The following SPPL3 variants were observed in gnomAD, a reference collection of about 807,000 sequenced individuals.
SPPL3 encodes the protein signal peptide peptidase-like 3.
In SPPL3, 5 loss-of-function variants were observed where a neutral mutation model predicts 42.4. That is an observed-to-expected ratio of 0.12 (90% confidence interval 0.06 to 0.25). The LOEUF is 0.25. SPPL3 is among the 10% of genes least tolerant of loss of function. SPPL3 has a pLI of 1.00. For missense variants in SPPL3, 235 were observed against 489.0 expected, an observed-to-expected ratio of 0.48 and a Z score of 4.90; for synonymous variants, 195 against 181.8, an observed-to-expected ratio of 1.07 and a Z score of -0.58.
intron 1 of SPPL3, among the ~76,000 whole-genome samples, chr12:120,839,087 A>G (rs1324377308): frequency 2.6e-5 from 4 of 152,132 alleles, no homozygotes; most frequent in Non-Finnish European, 4.4e-5. Context: ...TCTTCACAAT[A>G]GCAAAGACTT....
At chr12:120,864,143 C>T (rs1533810) in intron 1 of SPPL3, among the ~76,000 whole-genome samples, 13,470 of 152,202 alleles carry the variant, frequency 0.089, 1,745 homozygotes, top group African/African-American at 0.29. Context: ...TATTTGTTTC[C>T]TCAGTTGTGA....
chr12:120,864,808 C>T (rs1274955177), intron 1 of SPPL3, among the ~76,000 whole-genome samples: 1 of 152,144 alleles, frequency 6.6e-6, no homozygotes, highest in African/African-American at 2.4e-5. Flanking sequence ...CCCATTACAT[C>T]ACACAAAGCA....
intron 6 of SPPL3, among the ~76,000 whole-genome samples, chr12:120,771,048 C>T (rs928761510): frequency 1.3e-5 from 2 of 152,238 alleles, no homozygotes; most frequent in Admixed American, 6.5e-5. Context: ...CCGCCATCCT[C>T]TCCTGGCGTG....
rs1358813240 is a variant in SPPL3 at position 120,904,147 on chromosome 12, T to TGGC, written c.-283_-281dup. 13 of 276,754 alleles carry TGGC rather than the reference T, an allele frequency of 4.7e-5. No homozygotes were observed. The highest frequency in any genetic ancestry group is 2.1e-4 in the African/African-American group (9 of 42,662). 17.1% of individuals were successfully genotyped at this position (276,754 alleles called of 1,614,324 possible). ...CTCCGCTGCAGCTCCAAACCCAACATGGCGGCGGCGGCGGCGCGGAGAACA... is the reference window on the plus strand; with the variant it reads ...CTCCGCTGCAGCTCCAAACCCAACATGGCGGCGGCGGCGGCGGCGCGGAGAACA... On this transcript the variant is annotated 5_prime_UTR_variant, in exon 1 of 11. Coordinates refer to ENST00000353487, the MANE Select transcript of SPPL3 (RefSeq NM_139015.5).
intron 1 of SPPL3, among the ~76,000 whole-genome samples, chr12:120,815,718 TTTTTA>T (rs963272665): frequency 1.2e-4 from 18 of 152,186 alleles, no homozygotes; most frequent in Middle Eastern, 6.8e-3. Flanking sequence ...AAGTCTGGAA[TTTTTA>T]TTTTATTTTA....
Position 120,782,957 on chromosome 12 carries a change from T to A in SPPL3, c.390-190A>T, listed in dbSNP as rs953578360. ...AGGAATATACTTCTGCACCAACTGATAATGTCTTTTTGGGACCAATTATCA... is the reference window on the plus strand; with the variant it reads ...AGGAATATACTTCTGCACCAACTGAAAATGTCTTTTTGGGACCAATTATCA... On this transcript the variant is annotated intron_variant, in intron 5 of 10. Transcript: ENST00000353487. 3.9e-5 allele frequency among the ~76,000 whole-genome samples: 6 copies of A among 152,350 alleles called. No homozygotes were observed. The South Asian group carries it at 6.2e-4, about 16-fold the overall frequency.
In SPPL3 at chr12:120,769,075, G is replaced by A; in HGVS notation, c.503-16C>T. On this transcript the variant is annotated splice_polypyrimidine_tract_variant and intron_variant, in intron 6 of 10. Coordinates refer to ENST00000353487, the MANE Select transcript of SPPL3 (RefSeq NM_139015.5). The stretch of plus-strand genomic sequence containing the variant: ...ATGGCCAGTGCTGGGGAGGAGACAG[G>A]GTACAGCAGACAGCAGTCAGTGTGG... 1 of 1,589,598 alleles carries A rather than the reference G, an allele frequency of 6.3e-7. No individual in the cohort carries two copies. The highest frequency in any genetic ancestry group is 8.6e-7 in the Non-Finnish European group (1 of 1,165,970).
chr12:120,797,696 T>C (rs1404489705), intron 2 of SPPL3, among the ~76,000 whole-genome samples: 1 of 152,184 alleles, frequency 6.6e-6, no homozygotes, highest in Non-Finnish European at 1.5e-5. Context: ...ATTGATGAAT[T>C]GTATCCCTTT....
chr12:120,794,338 T>C (rs893571903), intron 2 of SPPL3, among the ~76,000 whole-genome samples: 9 of 152,216 alleles, frequency 5.9e-5, no homozygotes, highest in African/African-American at 2.2e-4. Context: ...AGTGTGCTTC[T>C]TGTAAGCAGC....
At position 120,764,649 on chromosome 12, in the gene SPPL3, A is replaced by C; in HGVS notation, c.*350T>G. 1 of 390,458 alleles carries C rather than the reference A, an allele frequency of 2.6e-6. No individual in the cohort carries two copies. Among genetic ancestry groups the C allele is most frequent in the Non-Finnish European group, 4.5e-6 (1 of 221,224 alleles). 24.2% of individuals were successfully genotyped at this position (390,458 alleles called of 1,614,324 possible). On this transcript the variant is annotated 3_prime_UTR_variant, in exon 11 of 11. Coordinates refer to ENST00000353487, the MANE Select transcript of SPPL3 (RefSeq NM_139015.5). The stretch of plus-strand genomic sequence containing the variant: ...CATCCTTTTAGTGTTCAAAAGTTCT[A>C]GAAAGACTCCTCGCTGTTTTCAGTT...
intron 1 of SPPL3, among the ~76,000 whole-genome samples, chr12:120,855,662 TC>T (rs1462622915): frequency 6.7e-6 from 1 of 149,082 alleles, no homozygotes; most frequent in African/African-American, 2.5e-5. Flanking sequence ...ACCACTGCAC[TC>T]CAGCCTGGGC....
intron 6 of SPPL3, among the ~76,000 whole-genome samples, chr12:120,778,980 TA>T (rs35034444): frequency 6.6e-6 from 1 of 151,560 alleles, no homozygotes; most frequent in African/African-American, 2.4e-5. Flanking sequence ...AAATGTCTTC[TA>T]AAAAAAAATC....
At chr12:120,803,615 G>C (rs1035249675) in intron 2 of SPPL3, among the ~76,000 whole-genome samples, 2 of 152,086 alleles carry the variant, frequency 1.3e-5, no homozygotes, top group African/African-American at 4.8e-5. Context: ...TTGAAAGTGA[G>C]TACAATGAAG....
chr12:120,839,746 A>G (rs1452742578), intron 1 of SPPL3, among the ~76,000 whole-genome samples: 1 of 152,184 alleles, frequency 6.6e-6, no homozygotes, highest in Non-Finnish European at 1.5e-5. Context: ...TCACTTTGGA[A>G]AACAGTTCAG....
chr12:120,868,466 C>CTT (rs921319924), intron 1 of SPPL3, among the ~76,000 whole-genome samples: 7 of 22,352 alleles, frequency 3.1e-4, no homozygotes, highest in Admixed American at 1.0e-3. Flanking sequence ...TTTCTTTTTT[C>CTT]TTTTTTTTTG....
At chr12:120,800,218 T>G (rs1870242130) in intron 2 of SPPL3, among the ~76,000 whole-genome samples, 1 of 152,118 alleles carries the variant, frequency 6.6e-6, no homozygotes, top group East Asian at 1.9e-4. Context: ...AAATCAATGT[T>G]TAGGTCAGGT....
intron 1 of SPPL3, among the ~76,000 whole-genome samples, chr12:120,852,721 T>C (rs11609902): frequency 0.12 from 816 of 6,646 alleles, 98 homozygotes; most frequent in Non-Finnish European, 0.22. Context: ...AAATATATTT[T>C]ATATATAATA....
chr12:120,857,518 T>C (rs765773287), intron 1 of SPPL3, among the ~76,000 whole-genome samples: 19 of 152,316 alleles, frequency 1.2e-4, no homozygotes, highest in Non-Finnish European at 2.6e-4. Flanking sequence ...TAAAGACACA[T>C]GCATGTGTTT....
In SPPL3 at chr12:120,904,212, G is replaced by A. The variant is rs1006188395; in HGVS notation, c.-345C>T. 2.0e-4 allele frequency: 46 copies of A among 225,780 alleles called. 1 individual carries two copies. The highest frequency in any genetic ancestry group is 3.1e-4 in the Non-Finnish European group (37 of 117,804). The allele number at this position is 225,780 out of a possible 1,614,324, so 14.0% of individuals were successfully genotyped here. On this transcript the variant is annotated 5_prime_UTR_variant, in exon 1 of 11. Coordinates refer to ENST00000353487, the MANE Select transcript of SPPL3 (RefSeq NM_139015.5). ...CGGGCGAACGGCAAGACGGGCCCGC[G>A]CTCACTGCGCGCGGGGCCGCGGGAG...
Sources: allele counts gnomAD v4.1 joint callset (sites outside exome capture counted in the v4.1 genomes callset), GRCh38; gene constraint gnomAD v4.1.1; transcripts MANE v1.5; gene names NCBI Gene and HGNC (gene_info 2026-07-23, HGNC 2026-07-21).